CYP2J2: variants seen among roughly 807,000 people sequenced by gnomAD.
CYP2J2 encodes cytochrome P450 2J2.
In CYP2J2, 41 loss-of-function variants were observed where a neutral mutation model predicts 48.8. The observed-to-expected ratio is 0.84, with a 90% CI of 0.66 to 1.09. CYP2J2 has a LOEUF of 1.09. Among genes scored for constraint, CYP2J2 ranks in the 50% least tolerant of loss-of-function variants. The pLI is 0.00. For synonymous variants in CYP2J2, 221 were observed against 227.1 expected (o/e 0.97, Z 0.24); for missense variants, 644 against 617.3 (o/e 1.04, Z -0.46).
At chr1:59,953,691 T>A in the CYP2J2 span, among the ~76,000 whole-genome samples, 1 of 152,014 alleles carries the variant, frequency 6.6e-6, no homozygotes, top group African/African-American at 2.4e-5. Flanking sequence ...CGTGAGGGTA[T>A]TAGAGAAAGT....
the CYP2J2 span, among the ~76,000 whole-genome samples, chr1:59,959,522 A>G: frequency 2.6e-5 from 4 of 152,152 alleles, no homozygotes; most frequent in Admixed American, 2.6e-4. Context: ...ATGCCCATCA[A>G]TCAATAAGTG....
At chr1:59,927,112 C>T (rs1644573975), upstream of CYP2J2, among the ~76,000 whole-genome samples, 1 of 152,144 alleles carries the variant, frequency 6.6e-6, no homozygotes, top group African/African-American at 2.4e-5. Flanking sequence ...GGCAGCACAT[C>T]CGCCTCTTTA....
chr1:59,955,286 A>ATC, the CYP2J2 span, among the ~76,000 whole-genome samples: 1 of 127,206 alleles, frequency 7.9e-6, no homozygotes, highest in Non-Finnish European at 1.5e-5. Flanking sequence ...ATCCATATAT[A>ATC]TATATCCATA....
chr1:59,943,846 T>C, the CYP2J2 span, among the ~76,000 whole-genome samples: 2 of 152,290 alleles, frequency 1.3e-5, no homozygotes, highest in East Asian at 3.9e-4. Flanking sequence ...GAGTTATCAG[T>C]GTGGAAGTCA....
At chr1:59,939,005 G>A in the CYP2J2 span, among the ~76,000 whole-genome samples, 1 of 152,168 alleles carries the variant, frequency 6.6e-6, no homozygotes, top group Non-Finnish European at 1.5e-5. Flanking sequence ...GCATGTTTTT[G>A]CGAGTTCCAG....
At chr1:59,966,920 T>G in the CYP2J2 span, among the ~76,000 whole-genome samples, 1 of 152,072 alleles carries the variant, frequency 6.6e-6, no homozygotes, top group Admixed American at 6.5e-5. Context: ...TTCTAAGTAT[T>G]GGTGGTGGGT....
the CYP2J2 span, among the ~76,000 whole-genome samples, chr1:59,951,465 G>A: frequency 6.6e-6 from 1 of 152,128 alleles, no homozygotes; most frequent in Non-Finnish European, 1.5e-5. Context: ...AACTGAAGCA[G>A]AACCTTGAGT....
At chr1:59,927,496 G>A (rs1189111521), upstream of CYP2J2, among the ~76,000 whole-genome samples, 1 of 152,192 alleles carries the variant, frequency 6.6e-6, no homozygotes, top group Middle Eastern at 3.2e-3. Flanking sequence ...CACAAATGGT[G>A]AGACTGAAAA....
chr1:59,946,475 A>G, the CYP2J2 span, among the ~76,000 whole-genome samples: 1 of 152,162 alleles, frequency 6.6e-6, no homozygotes, highest in African/African-American at 2.4e-5. Flanking sequence ...AGCATATGAC[A>G]TGCACTGATA....
At chr1:59,961,627 A>C in the CYP2J2 span, among the ~76,000 whole-genome samples, 2 of 152,172 alleles carry the variant, frequency 1.3e-5, no homozygotes, top group Non-Finnish European at 2.9e-5. Flanking sequence ...GCTATATATA[A>C]TGAAAAATGA....
intron 2 of CYP2J2, among the ~76,000 whole-genome samples, chr1:59,915,037 G>T (rs1212230260): frequency 6.6e-6 from 1 of 152,182 alleles, no homozygotes; most frequent in Non-Finnish European, 1.5e-5. Context: ...CATAAATCTG[G>T]CCTACGTGCA....
intron 6 of CYP2J2, 79 bp from the exon 7 acceptor site, chr1:59,905,137 G>C (rs1310326405): frequency 1.5e-5 from 21 of 1,377,952 alleles, no homozygotes; most frequent in Admixed American, 2.3e-5. Flanking sequence ...TCTCCAAGAT[G>C]TCATCTGTTG....
chr1:59,959,465 C>T, the CYP2J2 span, among the ~76,000 whole-genome samples: 1 of 152,040 alleles, frequency 6.6e-6, no homozygotes, highest in Middle Eastern at 3.4e-3. Context: ...CACACACATG[C>T]TTATAGCAGC....
At chr1:59,914,427 C>A (rs1258682341) in intron 2 of CYP2J2, among the ~76,000 whole-genome samples, 1 of 152,168 alleles carries the variant, frequency 6.6e-6, no homozygotes, top group Non-Finnish European at 1.5e-5. Context: ...TTGACCTGTA[C>A]CCTGAACAAT....
At chr1:59,945,318 T>C in the CYP2J2 span, among the ~76,000 whole-genome samples, 2 of 152,150 alleles carry the variant, frequency 1.3e-5, no homozygotes, top group Non-Finnish European at 2.9e-5. Flanking sequence ...CTACCATGGC[T>C]ATTCAATTTG....
chr1:59,912,624 G>A (rs1179753618), intron 2 of CYP2J2: 4 of 240,412 alleles, frequency 1.7e-5, no homozygotes, highest in African/African-American at 9.0e-5. Flanking sequence ...AAGGGATAAA[G>A]GATAAAATGC....
the CYP2J2 span, among the ~76,000 whole-genome samples, chr1:59,935,021 T>TATATATATATATATATATATATATAC: frequency 5.6e-3 from 269 of 48,066 alleles, 10 homozygotes; most frequent in South Asian, 0.015. Context: ...TATACATATA[T>TATATATATATATATATATATATATAC]ATATATATAT....
intron 7 of CYP2J2, 147 bp from the exon 8 acceptor site, chr1:59,901,250 C>G: frequency 4.1e-6 from 3 of 725,542 alleles, no homozygotes; most frequent in Non-Finnish European, 6.6e-6. Flanking sequence ...CTCCTGTGTC[C>G]CCCAACCCAG....
At chr1:59,944,531 C>A in the CYP2J2 span, among the ~76,000 whole-genome samples, 1 of 152,172 alleles carries the variant, frequency 6.6e-6, no homozygotes, top group Non-Finnish European at 1.5e-5. Flanking sequence ...CCTAAAAATT[C>A]TTGAGTATGT....
Sources: allele counts gnomAD v4.1 joint callset (sites outside exome capture counted in the v4.1 genomes callset), GRCh38; gene constraint gnomAD v4.1.1; transcripts MANE v1.5; gene names NCBI Gene and HGNC (gene_info 2026-07-23, HGNC 2026-07-21).